Variants in LCORL observed in about 807,000 individuals in gnomAD.
LCORL encodes ligand-dependent nuclear receptor corepressor-like protein.
In LCORL, 41 loss-of-function variants were observed where a neutral mutation model predicts 141.8. That is an observed-to-expected ratio of 0.29 (90% confidence interval 0.23 to 0.38). The LOEUF is 0.38. Among genes scored for constraint, LCORL ranks in the 10% least tolerant of loss-of-function variants. The pLI is 1.00. For missense variants in LCORL, 1,759 were observed against 2,035.0 expected (o/e 0.86, Z 2.61); for synonymous variants, 618 against 694.1 (o/e 0.89, Z 1.72).
At chr4:17,865,237 T>C (rs1725503516) in intron 7 of LCORL, among the ~76,000 whole-genome samples, 1 of 152,208 alleles carries the variant, frequency 6.6e-6, no homozygotes, top group Non-Finnish European at 1.5e-5. Flanking sequence ...TAGATTTGCA[T>C]AGATTCTCGG....
chr4:17,903,927 A>G (rs1039650756), intron 5 of LCORL, among the ~76,000 whole-genome samples: 2 of 152,074 alleles, frequency 1.3e-5, no homozygotes, highest in Non-Finnish European at 2.9e-5. Flanking sequence ...AGTTTCTCAT[A>G]TTGTTGCAGA....
At chr4:17,977,140 T>G (rs911755650) in intron 1 of LCORL, among the ~76,000 whole-genome samples, 1 of 152,162 alleles carries the variant, frequency 6.6e-6, no homozygotes, top group Non-Finnish European at 1.5e-5. Flanking sequence ...TTCTCTGTAT[T>G]GTTGCTGGTT....
intron 7 of LCORL, 26 bp from the exon 8 acceptor site, chr4:17,845,927 T>C: frequency 6.4e-7 from 1 of 1,558,418 alleles, no homozygotes; most frequent in Non-Finnish European, 8.7e-7. Context: ...TAAGGCATTT[T>C]AGTTTTACTT....
At chr4:17,980,710 G>A (rs1051363243) in intron 1 of LCORL, among the ~76,000 whole-genome samples, 6 of 152,168 alleles carry the variant, frequency 3.9e-5, no homozygotes, top group African/African-American at 1.4e-4. Context: ...CCAGGGCCAT[G>A]GACCAGTACC....
At chr4:18,002,659 T>C (rs1722160611) in intron 1 of LCORL, among the ~76,000 whole-genome samples, 2 of 152,204 alleles carry the variant, frequency 1.3e-5, no homozygotes, top group African/African-American at 4.8e-5. Context: ...ATAATTTTTA[T>C]ATTAAAAATT....
chr4:17,997,269 A>T (rs1317686682), intron 1 of LCORL, among the ~76,000 whole-genome samples: 2 of 152,168 alleles, frequency 1.3e-5, no homozygotes, highest in Non-Finnish European at 2.9e-5. Context: ...ATTCGTTGTT[A>T]CCAACACCAC....
chr4:17,985,241 A>G (rs575763581), intron 1 of LCORL, among the ~76,000 whole-genome samples: 1 of 152,022 alleles, frequency 6.6e-6, no homozygotes, highest in Non-Finnish European at 1.5e-5. Flanking sequence ...AAGTAAGTAT[A>G]CTCTGCTGTT....
chr4:17,883,669 C>CG (rs1727887802), intron 6 of LCORL: 3 of 1,402,376 alleles, frequency 2.1e-6, no homozygotes, highest in South Asian at 3.0e-5. Flanking sequence ...TACACACACA[C>CG]GCAAACACAC....
At chr4:17,959,792 G>A (rs1876219) in intron 4 of LCORL, among the ~76,000 whole-genome samples, 36,116 of 151,740 alleles carry the variant, frequency 0.24, 5,475 homozygotes, top group African/African-American at 0.43. Context: ...AAAAATGATT[G>A]CATTTGGGAT....
Position 17,893,444 on chromosome 4 carries a change from A to G in LCORL, c.683-7283T>C, listed in dbSNP as rs955695342. On this transcript the variant is annotated intron_variant, in intron 5 of 7. Transcript: ENST00000635767. ...CATAAGGATGTCAAAAATATAAATT[A>G]TGCAAACAGTTTACAGAGGATATAT... 4.1e-6 allele frequency: 4 copies of G among 985,178 alleles called. No individual in the cohort carries two copies. The East Asian group carries it at 4.5e-4, about 112-fold the overall frequency. The allele number at this position is 985,178 out of a possible 1,614,324, so 61.0% of individuals were successfully genotyped here.
chr4:17,909,230 A>G (rs1247668022), exon 5 of LCORL: 2 of 1,613,514 alleles, frequency 1.2e-6, no homozygotes, highest in African/African-American at 1.3e-5. Context: ...AACCATTTCT[A>G]TTCTCTTGAG....
rs1427698171 is a variant in LCORL, at chr4:17,884,461, T to C, written c.776+1607A>G. 3 of 1,549,834 alleles carry C rather than the reference T, an allele frequency of 1.9e-6. No homozygotes were observed. Among genetic ancestry groups the C allele is most frequent in the African/African-American group, 2.7e-5 (2 of 72,810 alleles). On this transcript the variant is annotated intron_variant, in intron 6 of 7. Transcript: ENST00000635767. The surrounding 1 kb of genome is among the most constrained non-coding windows in gnomAD (Gnocchi z 4.4). ...GTTTACTTTTTTCTGTGCGCTCTGC[T>C]TGAGCTCTTGCCCACAAGGCTACTT... is the stretch of plus-strand genomic sequence containing the variant.
rs529437160 is a variant in LCORL, at chr4:17,858,203, C to T, written c.5603-12302G>A. On this transcript the variant is annotated intron_variant, in intron 7 of 7. Coordinates refer to ENST00000635767, the Ensembl canonical transcript of LCORL. ...AATTTGAACTTCCAGAGTTGACATA[C>T]CACTTACGAAATAAAAAATATCCTA... 1.9e-3 allele frequency among the ~76,000 whole-genome samples: 286 copies of T among 151,858 alleles called. 1 individual carries two copies. The highest frequency in any genetic ancestry group is 6.7e-3 in the African/African-American group (278 of 41,376).
At chr4:17,991,384 T>C (rs1719985330) in intron 1 of LCORL, among the ~76,000 whole-genome samples, 1 of 152,224 alleles carries the variant, frequency 6.6e-6, no homozygotes, top group African/African-American at 2.4e-5. Flanking sequence ...ATGTTTACCA[T>C]ACCTATTTGT....
chr4:17,927,258 T>C (rs1226678991), intron 4 of LCORL, among the ~76,000 whole-genome samples: 1 of 152,202 alleles, frequency 6.6e-6, no homozygotes, highest in South Asian at 2.1e-4. Context: ...CTCCAACGAA[T>C]TAAAGAGACT....
chr4:18,018,829 A>G (rs1321479590), intron 1 of LCORL, among the ~76,000 whole-genome samples: 2 of 152,228 alleles, frequency 1.3e-5, no homozygotes, highest in Admixed American at 1.3e-4. Flanking sequence ...TTTTATAAAA[A>G]TGATTGTAAG....
chr4:17,941,450 C>T (rs910749905), intron 4 of LCORL, among the ~76,000 whole-genome samples: 1 of 151,226 alleles, frequency 6.6e-6, no homozygotes, highest in Non-Finnish European at 1.5e-5. Flanking sequence ...CAGAGTGAGA[C>T]TCTGTCTCAA....
At chr4:17,904,566 T>G (rs2109309330) in intron 5 of LCORL, among the ~76,000 whole-genome samples, 1 of 152,232 alleles carries the variant, frequency 6.6e-6, no homozygotes, top group East Asian at 1.9e-4. Context: ...CTAGAACTAC[T>G]TTTATGAGTG....
chr4:17,951,156 C>A (rs1372366812), intron 4 of LCORL, among the ~76,000 whole-genome samples: 1 of 152,174 alleles, frequency 6.6e-6, no homozygotes, highest in Non-Finnish European at 1.5e-5. Flanking sequence ...TTTCACTCAA[C>A]CAACTCTATA....
Sources: gnomAD v4.1 joint callset for allele counts (sites outside exome capture counted in the v4.1 genomes callset) on GRCh38, gnomAD v4.1.1 for gene constraint, Gnocchi (gnomAD v3.1) non-coding constraint, MANE v1.5 for transcripts, NCBI Gene and HGNC (gene_info 2026-07-23, HGNC 2026-07-21) for gene names.